Variants in TBL1XR1 observed in about 807,000 individuals in gnomAD.
TBL1XR1 encodes the protein F-box-like/WD repeat-containing protein TBL1XR1.
In TBL1XR1, 5 loss-of-function variants were observed where a neutral mutation model predicts 66.9. The observed-to-expected ratio is 0.07, with a 90% CI of 0.04 to 0.16. The LOEUF (loss-of-function observed/expected upper bound fraction) is 0.16. Ranked by LOEUF, TBL1XR1 falls within the 10% of genes least tolerant of loss-of-function variation. The pLI, the probability that TBL1XR1 is intolerant of heterozygous loss-of-function variation, is 1.00. For synonymous variants in TBL1XR1, 210 were observed against 206.0 expected, an observed-to-expected ratio of 1.02 and a Z score of -0.17; for missense variants, 238 against 623.2, an observed-to-expected ratio of 0.38 and a Z score of 6.58.
At chr3:177,184,617 C>T (rs1735194980) in intron 1 of TBL1XR1, among the ~76,000 whole-genome samples, 1 of 152,124 alleles carries the variant, frequency 6.6e-6, no homozygotes. Context: ...GCTTGTCCAA[C>T]ATGGTGAAAT....
At chr3:177,114,767 G>A (rs1254336335) in intron 1 of TBL1XR1, among the ~76,000 whole-genome samples, 1 of 151,778 alleles carries the variant, frequency 6.6e-6, no homozygotes, top group Non-Finnish European at 1.5e-5. Context: ...CTTAAGCCCA[G>A]GAGTTCGAGA....
At chr3:177,192,297 G>C (rs1041860240) in intron 1 of TBL1XR1, among the ~76,000 whole-genome samples, 5 of 151,194 alleles carry the variant, frequency 3.3e-5, no homozygotes, top group Non-Finnish European at 5.9e-5. Flanking sequence ...CAGGAGAATC[G>C]CTTGAACCCA....
chr3:177,056,614 A>G (rs1577043042), intron 3 of TBL1XR1, among the ~76,000 whole-genome samples: 1 of 152,182 alleles, frequency 6.6e-6, no homozygotes, highest in Non-Finnish European at 1.5e-5. Context: ...CTTTATTTCT[A>G]GCCATGGCAT....
chr3:177,174,815 A>G (rs991834495), intron 1 of TBL1XR1, among the ~76,000 whole-genome samples: 2 of 152,082 alleles, frequency 1.3e-5, no homozygotes, highest in South Asian at 2.1e-4. Context: ...TCCTTCACAC[A>G]CTACACATCC....
intron 1 of TBL1XR1, among the ~76,000 whole-genome samples, chr3:177,150,243 A>G (rs1280119029): frequency 6.6e-6 from 1 of 152,210 alleles, no homozygotes. Context: ...TTAAATTAAC[A>G]AACTGGCCTT....
chr3:177,028,811 A>C (rs1223636553), intron 14 of TBL1XR1, among the ~76,000 whole-genome samples: 4 of 152,238 alleles, frequency 2.6e-5, no homozygotes, highest in Non-Finnish European at 4.4e-5. Flanking sequence ...TTATAAAGTT[A>C]GAATTATTAA....
At chr3:177,133,462 A>G (rs1415825951) in intron 1 of TBL1XR1, among the ~76,000 whole-genome samples, 2 of 152,178 alleles carry the variant, frequency 1.3e-5, no homozygotes, top group Non-Finnish European at 2.9e-5. Context: ...TGTGTGCCCA[A>G]TAAACACAAT....
At chr3:177,116,775 A>C (rs1205609806) in intron 1 of TBL1XR1, among the ~76,000 whole-genome samples, 1 of 152,228 alleles carries the variant, frequency 6.6e-6, no homozygotes, top group Non-Finnish European at 1.5e-5. Flanking sequence ...TATGTTAACT[A>C]AATGAGATAA....
intron 1 of TBL1XR1, among the ~76,000 whole-genome samples, chr3:177,106,896 TA>T (rs1724957723): frequency 1.4e-5 from 2 of 147,366 alleles, no homozygotes; most frequent in Admixed American, 1.4e-4. Context: ...TTTAGTGAAT[TA>T]ACACAACAGC....
chr3:177,098,508 G>C lies in TBL1XR1; in HGVS notation c.-88C>G. On this transcript the variant is annotated 5_prime_UTR_variant, in exon 2 of 16. Coordinates refer to ENST00000457928, the MANE Select transcript of TBL1XR1 (RefSeq NM_024665.7). ...TGTGGGGATGTGCAACTGAATATCC[G>C]GTCACCGCCAATCACAAGTTGCTGT... 1.0e-6 allele frequency: 1 copy of C among 985,768 alleles called. No individual in the cohort carries two copies. The highest frequency in any genetic ancestry group is 1.2e-6 in the Non-Finnish European group (1 of 829,918). The allele number at this position is 985,768 out of a possible 1,614,324, so 61.1% of individuals were successfully genotyped here.
chr3:177,097,260 A>C (rs1723614805), intron 2 of TBL1XR1, among the ~76,000 whole-genome samples: 1 of 152,238 alleles, frequency 6.6e-6, no homozygotes, highest in Non-Finnish European at 1.5e-5. Context: ...AATGAACTAC[A>C]GAAAATATTT....
intron 1 of TBL1XR1, among the ~76,000 whole-genome samples, chr3:177,157,537 T>C (rs905297390): frequency 6.6e-6 from 1 of 152,214 alleles, no homozygotes; most frequent in African/African-American, 2.4e-5. Flanking sequence ...GTGACCTTGC[T>C]GGTTTAAATG....
intron 1 of TBL1XR1, chr3:177,131,358 C>T: frequency 6.1e-6 from 6 of 985,368 alleles, no homozygotes; most frequent in Non-Finnish European, 7.2e-6. Flanking sequence ...GAGAATCACA[C>T]TCACTTTTAC....
At chr3:177,195,851 T>A (rs1012599414) in intron 1 of TBL1XR1, among the ~76,000 whole-genome samples, 2 of 152,186 alleles carry the variant, frequency 1.3e-5, no homozygotes, top group African/African-American at 4.8e-5. Flanking sequence ...TAAACTTTCC[T>A]AAGTCAACTG....
intron 3 of TBL1XR1, among the ~76,000 whole-genome samples, chr3:177,058,873 T>C (rs1718149664): frequency 2.0e-5 from 3 of 152,082 alleles, no homozygotes; most frequent in Non-Finnish European, 4.4e-5. Context: ...ATTTCCTGTG[T>C]CAGCAAAAAA....
chr3:177,060,752 G>C (rs1718417054), intron 3 of TBL1XR1, among the ~76,000 whole-genome samples: 1 of 152,212 alleles, frequency 6.6e-6, no homozygotes, highest in African/African-American at 2.4e-5. Flanking sequence ...AATTAACACT[G>C]TATCAGGTTC....
Position 177,033,109 on chromosome 3 carries a change from T to C in TBL1XR1, c.1278A>G (p.Leu426=), listed in dbSNP as rs1714238292. Residue 426 remains leucine (L), a synonymous_variant, in exon 14 of 16, where the codon TTA becomes TTG. Transcript: ENST00000457928. ...TGCATATCCCTCGGTCTACATCCCATAACCTAACAGTAGAATCAAAGGATG... is the reference window on the plus strand; with the variant it reads ...TGCATATCCCTCGGTCTACATCCCACAACCTAACAGTAGAATCAAAGGATG... ...ASASFDSTVR[L]WDVDRGICIH... is the part of the protein sequence containing the mutation. The C allele has an allele frequency of 1.9e-6, 3 of 1,576,794 alleles. No individual in the cohort carries two copies. Among genetic ancestry groups the C allele is most frequent in the African/African-American group, 1.4e-5 (1 of 73,798 alleles).
rs143342475 is a variant in TBL1XR1, at chr3:177,096,089, A to C, written c.-46+2377T>G. ...AGTAGAGGTAACTGTATATAATCCC[A>C]CTAAGCACTCTGGCATTTTCAGAGA... On this transcript the variant is annotated intron_variant, in intron 2 of 15. Transcript: ENST00000457928. Among the ~76,000 whole-genome samples the C allele has an allele frequency of 2.2e-3, 342 of 152,310 alleles. 1 individual carries two copies. The highest frequency in any genetic ancestry group is 0.01 in the Middle Eastern group (3 of 294).
chr3:177,076,478 T>TAGATTACA (rs1456699196), intron 2 of TBL1XR1, among the ~76,000 whole-genome samples: 1 of 152,218 alleles, frequency 6.6e-6, no homozygotes, highest in East Asian at 1.9e-4. Context: ...AAGGACCCTA[T>TAGATTACA]TTCCAAGTAA....
Sources: gnomAD v4.1 joint callset for allele counts (sites outside exome capture counted in the v4.1 genomes callset) on GRCh38, gnomAD v4.1.1 for gene constraint, MANE v1.5 for transcripts, NCBI Gene and HGNC (gene_info 2026-07-23, HGNC 2026-07-21) for gene names.